Variants in RORA observed in about 807,000 individuals in gnomAD.
The protein encoded by RORA is RAR related orphan receptor A.
In RORA, 7 loss-of-function variants were observed where a neutral mutation model predicts 69.5. The observed-to-expected ratio is 0.10, with a 90% confidence interval of 0.06 to 0.19. The LOEUF (loss-of-function observed/expected upper bound fraction) is 0.19, where lower values mean the gene tolerates loss of function less well. Among genes scored for constraint, RORA ranks in the 10% least tolerant of loss-of-function variants. The probability of loss-of-function intolerance (pLI) is 1.00; values close to 1 mark genes in which losing one functional copy is unlikely to be tolerated. For missense variants in RORA, 457 were observed against 663.0 expected, an observed-to-expected ratio of 0.69 and a Z score of 3.41; for synonymous variants, 261 against 240.8, an observed-to-expected ratio of 1.08 and a Z score of -0.78.
chr15:61,172,196 C>A (rs1298053030), intron 1 of RORA, among the ~76,000 whole-genome samples: 1 of 152,112 alleles, frequency 6.6e-6, no homozygotes, highest in Admixed American at 6.5e-5. Context: ...TACACTGGAG[C>A]TTATCTTTAA....
intron 1 of RORA, among the ~76,000 whole-genome samples, chr15:61,043,496 A>G (rs1896879693): frequency 6.6e-6 from 1 of 152,242 alleles, no homozygotes; most frequent in African/African-American, 2.4e-5. Context: ...ACCAGCCCTT[A>G]AACGCTATTT....
intron 1 of RORA, among the ~76,000 whole-genome samples, chr15:61,133,106 A>C (rs905309236): frequency 6.6e-6 from 1 of 152,226 alleles, no homozygotes; most frequent in Non-Finnish European, 1.5e-5. Flanking sequence ...ATACTAGAAA[A>C]GGTATAAAGG....
chr15:61,007,176 G>GT (rs1894936203), intron 1 of RORA, among the ~76,000 whole-genome samples: 1 of 152,112 alleles, frequency 6.6e-6, no homozygotes, highest in African/African-American at 2.4e-5. Context: ...TGATATAGGG[G>GT]TTAAAAGTAA....
intron 2 of RORA, among the ~76,000 whole-genome samples, chr15:60,559,059 C>A (rs978053856): frequency 6.6e-6 from 1 of 151,714 alleles, no homozygotes; most frequent in African/African-American, 2.4e-5. Context: ...TAATAAAAAT[C>A]TTATAAACAA....
At chr15:60,746,028 A>G (rs1386812177) in intron 1 of RORA, among the ~76,000 whole-genome samples, 1 of 152,230 alleles carries the variant, frequency 6.6e-6, no homozygotes, top group Non-Finnish European at 1.5e-5. Flanking sequence ...AGAAATAATT[A>G]CAACCTGCTG....
intron 1 of RORA, among the ~76,000 whole-genome samples, chr15:61,017,678 G>C (rs1237666168): frequency 2.0e-5 from 3 of 152,112 alleles, no homozygotes; most frequent in Admixed American, 1.3e-4. Flanking sequence ...AAACCAGGAA[G>C]CAAGAAGAGA....
chr15:60,748,299 TATA>T (rs1465684658), intron 1 of RORA, among the ~76,000 whole-genome samples: 2 of 114,792 alleles, frequency 1.7e-5, no homozygotes, highest in Non-Finnish European at 3.5e-5. Flanking sequence ...CCAATACTGA[TATA>T]ATTAGCGAAA....
chr15:60,972,200 AT>A (rs1326054254), intron 1 of RORA, among the ~76,000 whole-genome samples: 1 of 152,208 alleles, frequency 6.6e-6, no homozygotes, highest in Non-Finnish European at 1.5e-5. Flanking sequence ...TTAAGGGTAG[AT>A]TGGATTTGCA....
At chr15:61,037,416 C>T (rs931185444) in intron 1 of RORA, among the ~76,000 whole-genome samples, 1 of 152,212 alleles carries the variant, frequency 6.6e-6, no homozygotes, top group Non-Finnish European at 1.5e-5. Flanking sequence ...ACGGTCAGCA[C>T]CAGTCTATAA....
At chr15:61,045,854 A>G (rs928457727) in intron 1 of RORA, among the ~76,000 whole-genome samples, 5 of 152,224 alleles carry the variant, frequency 3.3e-5, no homozygotes, top group Admixed American at 6.5e-5. Flanking sequence ...ACATAAAGCC[A>G]TATTTTTCCC....
intron 9 of RORA, among the ~76,000 whole-genome samples, chr15:60,500,603 T>C (rs1469178702): frequency 6.6e-6 from 1 of 152,072 alleles, no homozygotes; most frequent in Non-Finnish European, 1.5e-5. Context: ...AACAAAAAAA[T>C]AGGATGTCTT....
rs1205488844 is a variant in RORA, at chr15:60,534,797, A to T, written c.197-2946T>A. 6.6e-6 allele frequency among the ~76,000 whole-genome samples: 1 copy of T among 152,174 alleles called. No individual in the cohort carries two copies. The highest frequency in any genetic ancestry group is 6.5e-5 in the Admixed American group (1 of 15,286). On this transcript the variant is annotated intron_variant, in intron 2 of 10. Coordinates refer to ENST00000335670, the MANE Select transcript of RORA (RefSeq NM_134261.3). The surrounding 1 kb of genome is among the most constrained non-coding windows in gnomAD (Gnocchi z 5.0). The stretch of plus-strand genomic sequence containing the variant: ...TGATCACACGTGTTGATATTCCCAG[A>T]AAGCGAGCATTTGCAGATTGGAGCA...
chr15:61,096,392 A>G (rs1377673692), intron 1 of RORA, among the ~76,000 whole-genome samples: 4 of 152,228 alleles, frequency 2.6e-5, no homozygotes, highest in African/African-American at 4.8e-5. Flanking sequence ...TAGTAGCGAC[A>G]ATTCACAGTC....
At chr15:60,982,138 G>C (rs1402135267) in intron 1 of RORA, among the ~76,000 whole-genome samples, 1 of 152,124 alleles carries the variant, frequency 6.6e-6, no homozygotes, top group African/African-American at 2.4e-5. Context: ...CCTAGCCAAG[G>C]GGCTCTGTGT....
intron 1 of RORA, among the ~76,000 whole-genome samples, chr15:61,016,459 A>G (rs1255990119): frequency 6.6e-6 from 1 of 152,222 alleles, no homozygotes; most frequent in Admixed American, 6.5e-5. Flanking sequence ...GGAAATACCA[A>G]CTTAGAGAAA....
intron 2 of RORA, chr15:60,627,558 C>T (rs915146465): frequency 1.1e-5 from 15 of 1,349,560 alleles, no homozygotes; most frequent in African/African-American, 1.5e-5. Flanking sequence ...GAATCCCAGC[C>T]ACAAAGAATG....
intron 1 of RORA, among the ~76,000 whole-genome samples, chr15:60,934,089 C>T: frequency 6.6e-6 from 1 of 152,228 alleles, no homozygotes; most frequent in East Asian, 1.9e-4. Context: ...GCCCTCTTGG[C>T]AGTAAGCCAG....
intron 1 of RORA, among the ~76,000 whole-genome samples, chr15:60,760,145 T>A (rs932474753): frequency 3.5e-5 from 5 of 142,370 alleles, no homozygotes; most frequent in African/African-American, 9.9e-5. Context: ...TTAAAATATT[T>A]TTTTTTTTCA....
At chr15:61,021,155 G>C (rs1895501644) in intron 1 of RORA, among the ~76,000 whole-genome samples, 1 of 152,162 alleles carries the variant, frequency 6.6e-6, no homozygotes, top group African/African-American at 2.4e-5. Context: ...GACGGGAGAG[G>C]CCTGCAAAGA....
Sources: allele counts gnomAD v4.1 joint callset (sites outside exome capture counted in the v4.1 genomes callset), GRCh38; gene constraint gnomAD v4.1.1; non-coding constraint Gnocchi (gnomAD v3.1); transcripts MANE v1.5; gene names NCBI Gene and HGNC (gene_info 2026-07-23, HGNC 2026-07-21).